Variants in GOLGA3 observed in about 807,000 individuals in gnomAD.
GOLGA3 encodes the protein golgin A3, also known as golgin subfamily A member 3.
A neutral mutation model predicts 169.4 loss-of-function variants in GOLGA3; 75 were observed. That is an observed-to-expected ratio of 0.44 (90% confidence interval 0.37 to 0.54). The LOEUF (loss-of-function observed/expected upper bound fraction) is 0.54. Ranked by LOEUF, GOLGA3 falls within the 20% of genes least tolerant of loss-of-function variation. The pLI is 0.00. For missense variants in GOLGA3, 1,899 were observed against 1,930.0 expected (o/e 0.98, Z 0.30); for synonymous variants, 824 against 822.4 (o/e 1.00, Z -0.03).
Position 132,796,639 on chromosome 12 carries a change from TCCA to T in GOLGA3, c.1997_1999del (p.Val666del). ...TTCCAGCCTCCTCTGAAGGTCCTCC[TCCA>T]CCATCGTCTTTGCCTCCTGAATCTG... On this transcript the variant is annotated inframe_deletion, in exon 10 of 24. Coordinates refer to ENST00000450791, the MANE Select transcript of GOLGA3 (RefSeq NM_001389683.1). 6.2e-7 allele frequency: 1 copy of T among 1,614,068 alleles called. No individual in the cohort carries two copies. Among genetic ancestry groups the T allele is most frequent in the Non-Finnish European group, 8.5e-7 (1 of 1,179,966 alleles).
intron 3 of GOLGA3, among the ~76,000 whole-genome samples, chr12:132,815,302 G>A (rs1430006025): frequency 6.6e-6 from 1 of 152,174 alleles, no homozygotes; most frequent in South Asian, 2.1e-4. Flanking sequence ...GATAGGCTCA[G>A]GGCCAGGCGC....
At chr12:132,825,581 C>G in intron 1 of GOLGA3, 1 of 622,382 alleles carries the variant, frequency 1.6e-6, no homozygotes, top group Non-Finnish European at 2.9e-6. Context: ...ATCAACACTG[C>G]CTTTTAAAAT....
intron 18 of GOLGA3, among the ~76,000 whole-genome samples, chr12:132,778,963 G>A (rs547232588): frequency 1.3e-5 from 2 of 152,186 alleles, no homozygotes; most frequent in South Asian, 2.1e-4. Flanking sequence ...CTGGGGCACC[G>A]TGTGAGCCAG....
intron 7 of GOLGA3, 47 bp from the exon 8 acceptor site, chr12:132,802,016 G>C: frequency 6.7e-7 from 1 of 1,501,822 alleles, no homozygotes; most frequent in South Asian, 1.1e-5. Context: ...CGGCCAACGG[G>C]GGAGTCCGCA....
In GOLGA3 at chr12:132,813,295, A is replaced by G; in HGVS notation, c.519+12T>C. On this transcript the variant is annotated intron_variant, in intron 4 of 23. Coordinates refer to ENST00000450791, the MANE Select transcript of GOLGA3 (RefSeq NM_001389683.1). ...AGCTTTCCATGAGCTTGTTCGGGAGAGGGAGACTCACCCTCTCCTGCTGGC... is the reference window on the plus strand; with the variant it reads ...AGCTTTCCATGAGCTTGTTCGGGAGGGGGAGACTCACCCTCTCCTGCTGGC... The G allele has an allele frequency of 6.5e-7, 1 of 1,541,688 alleles. No individual in the cohort carries two copies. Among genetic ancestry groups the G allele is most frequent in the South Asian group, 1.1e-5 (1 of 89,678 alleles).
rs778317449 is a variant in GOLGA3 at position 132,796,679 on chromosome 12, C to A, written c.1960G>T (p.Ala654Ser). The A allele has an allele frequency of 1.2e-6, 2 of 1,613,890 alleles. No individual in the cohort carries two copies. Among genetic ancestry groups the A allele is most frequent in the Non-Finnish European group, 1.7e-6 (2 of 1,179,988 alleles). The change falls in exon 10 of 24, where the codon GCA becomes TCA. Residue 654 changes from alanine (A) to serine (S), a missense_variant. Transcript: ENST00000450791. ...GIEADMLDQE[A>S]AFMQIQEAKT... ...GCCTCCTGAATCTGCATGAAGGCTG[C>A]TTCCTGATCCAACATGTCAGCCTGA...
rs554979297 is a variant in GOLGA3 at position 132,808,901 on chromosome 12, G to A, written c.520-352C>T. ...TGGGTCTCCCCCTGTGTGCGGCGAC[G>A]AGAGTGTAGAAATAAAGACACAAGA... On this transcript the variant is annotated intron_variant, in intron 4 of 23. Coordinates refer to ENST00000450791, the MANE Select transcript of GOLGA3 (RefSeq NM_001389683.1). 1.2e-4 allele frequency among the ~76,000 whole-genome samples: 18 copies of A among 152,286 alleles called. No individual in the cohort carries two copies. The East Asian group carries it at 1.9e-3, about 16-fold the overall frequency.
intron 13 of GOLGA3, among the ~76,000 whole-genome samples, chr12:132,788,615 T>C (rs2046052117): frequency 6.6e-6 from 1 of 151,956 alleles, no homozygotes; most frequent in Admixed American, 6.6e-5. Context: ...ACTCCCAGGG[T>C]CCCCGGGCCC....
At chr12:132,782,116 A>G (rs1460933402) in intron 17 of GOLGA3, among the ~76,000 whole-genome samples, 180 bp downstream of exon 17, 1 of 152,122 alleles carries the variant, frequency 6.6e-6, no homozygotes, top group Admixed American at 6.5e-5. Context: ...CCAGCCCTGC[A>G]CCAACAGCTG....
intron 4 of GOLGA3, among the ~76,000 whole-genome samples, chr12:132,809,718 T>C (rs942433769): frequency 1.3e-5 from 2 of 151,990 alleles, no homozygotes; most frequent in African/African-American, 4.8e-5. Context: ...ATTATCATAA[T>C]ATTGGAATAA....
chr12:132,812,002 CAA>C (rs71076477), intron 4 of GOLGA3, among the ~76,000 whole-genome samples: 2 of 39,904 alleles, frequency 5.0e-5, no homozygotes, highest in Non-Finnish European at 4.2e-5. Context: ...CTCCGTCTCT[CAA>C]AAAAAAAAAA....
chr12:132,779,929 C>T (rs1374406534), intron 18 of GOLGA3, among the ~76,000 whole-genome samples: 3 of 134,278 alleles, frequency 2.2e-5, no homozygotes, highest in Non-Finnish European at 4.7e-5. Context: ...CGCATGCACA[C>T]AACCCAGGCA....
intron 3 of GOLGA3, 112 bp downstream of exon 3, chr12:132,816,428 G>A (rs561651048): frequency 2.7e-5 from 30 of 1,098,390 alleles, no homozygotes; most frequent in South Asian, 5.8e-5. Flanking sequence ...GATGGCACAC[G>A]GCAGGCACAG....
chr12:132,826,256 A>AG, intron 1 of GOLGA3: 1 of 1,280,920 alleles, frequency 7.8e-7, no homozygotes, highest in East Asian at 2.4e-5. Flanking sequence ...AAAAAAAAAA[A>AG]AAGAAACTGG....
chr12:132,789,031 A>C lies in GOLGA3; in HGVS notation c.2807T>G (p.Leu936Trp). Residue 936 changes from leucine (L) to tryptophan (W), a missense_variant, in exon 13 of 24, where the codon TTG (leucine) becomes TGG (tryptophan). Transcript: ENST00000450791. ...GTCAACCCGACACGGACAGACCTGC[A>C]AGTGTGTTTCCATCTCGTCTCGCTC... ...QKERDEMETH[L>W]QSLQFDKEQM... 6.8e-7 allele frequency: 1 copy of C among 1,476,920 alleles called. No individual in the cohort carries two copies. The highest frequency in any genetic ancestry group is 9.1e-7 in the Non-Finnish European group (1 of 1,097,170). 91.5% of individuals were successfully genotyped at this position (1,476,920 alleles called of 1,614,324 possible). A position where few individuals can be genotyped will look rare whatever the true frequency, so the allele number is the denominator to read the frequency against.
intron 5 of GOLGA3, 149 bp from the exon 6 acceptor site, chr12:132,807,437 C>A: frequency 1.9e-6 from 1 of 535,440 alleles, no homozygotes; most frequent in Non-Finnish European, 3.3e-6. Context: ...CTGAGGCTTG[C>A]ATGATGCACG....
intron 1 of GOLGA3, chr12:132,827,500 GCACAGAGT>G (rs1950471823): frequency 6.6e-6 from 1 of 152,098 alleles, no homozygotes. Context: ...ATATAACAAG[GCACAGAGT>G]CTGTCCCGTG....
Position 132,791,287 on chromosome 12 carries a change from G to C in GOLGA3, c.2476C>G (p.His826Asp), listed in dbSNP as rs150299403. Residue 826 changes from histidine to aspartate, a missense_variant, in exon 12 of 24, where the codon CAC becomes GAC. Transcript: ENST00000450791. Reference sequence around the variant, plus strand: ...AGAGCAGCAGTCTCCTGCTGCAGGTGTTCCACCTGTGGGAGACATGTGCAC... The same window carrying C: ...AGAGCAGCAGTCTCCTGCTGCAGGTCTTCCACCTGTGGGAGACATGTGCAC... Reference protein sequence around the residue: ...ELAIKSGQVEHLQQETAALKK... With the variant: ...ELAIKSGQVEDLQQETAALKK... 3 of 1,593,494 alleles carry C rather than the reference G, an allele frequency of 1.9e-6. No homozygotes were observed. Among genetic ancestry groups the C allele is most frequent in the Non-Finnish European group, 2.6e-6 (3 of 1,163,426 alleles).
chr12:132,778,557 C>T (rs1359583890), intron 18 of GOLGA3, among the ~76,000 whole-genome samples: 6 of 149,958 alleles, frequency 4.0e-5, no homozygotes, highest in African/African-American at 9.8e-5. Flanking sequence ...GGCGACAGAG[C>T]GAGACTCCAT....
Sources: gnomAD v4.1 joint callset for allele counts (sites outside exome capture counted in the v4.1 genomes callset) on GRCh38, gnomAD v4.1.1 for gene constraint, MANE v1.5 for transcripts, NCBI Gene and HGNC (gene_info 2026-07-23, HGNC 2026-07-21) for gene names.